Variants in FHIT observed in about 807,000 individuals in gnomAD.
The protein encoded by FHIT is fragile histidine triad diadenosine triphosphatase, also known as bis(5'-adenosyl)-triphosphatase.
A neutral mutation model predicts 17.9 loss-of-function variants in FHIT; 19 were observed. That is an observed-to-expected ratio of 1.06 (90% CI 0.74 to 1.56). The LOEUF is 1.56. Among genes scored for constraint, FHIT ranks in the 40% most tolerant of loss-of-function variants. FHIT has a pLI of 0.00. For missense variants in FHIT, 248 were observed against 189.2 expected, an observed-to-expected ratio of 1.31 and a Z score of -1.82; for synonymous variants, 81 against 69.7, an observed-to-expected ratio of 1.16 and a Z score of -0.81.
At chr3:59,900,506 G>C (rs1704277917) in intron 8 of FHIT, among the ~76,000 whole-genome samples, 1 of 152,100 alleles carries the variant, frequency 6.6e-6, no homozygotes, top group Non-Finnish European at 1.5e-5. Context: ...GCCATCCCTG[G>C]TGCCACTTCA....
At chr3:61,119,477 G>A (rs2036394273) in intron 2 of FHIT, among the ~76,000 whole-genome samples, 1 of 152,158 alleles carries the variant, frequency 6.6e-6, no homozygotes. Context: ...GTCTCCCAAA[G>A]TGCTGGGATT....
chr3:60,912,366 T>G (rs1251312122), intron 3 of FHIT, among the ~76,000 whole-genome samples: 2 of 152,124 alleles, frequency 1.3e-5, no homozygotes, highest in African/African-American at 2.4e-5. Flanking sequence ...ACCTGGTAAC[T>G]GAACCTCCCT....
In FHIT at chr3:60,838,316, C is replaced by CA. The variant is rs111410310; in HGVS notation, c.-110-16306dup. ...GGTGAAACCCGTCTCTACTAAAATA[C>CA]AAAAAATTAGCCGGGCGTGGTGGTG... On this transcript the variant is annotated intron_variant, in intron 3 of 9. Transcript: ENST00000492590. Among the ~76,000 whole-genome samples the CA allele has an allele frequency of 4.7e-4, 72 of 152,052 alleles. 1 individual carries two copies. Among genetic ancestry groups the CA allele is most frequent in the Middle Eastern group, 3.4e-3 (1 of 294 alleles).
intron 5 of FHIT, among the ~76,000 whole-genome samples, chr3:60,243,109 G>T (rs1705218825): frequency 6.6e-6 from 1 of 151,338 alleles, no homozygotes; most frequent in Admixed American, 6.6e-5. Flanking sequence ...ATTTAACACT[G>T]AATATGAAGC....
chr3:61,137,653 T>C (rs1033670969), intron 2 of FHIT, among the ~76,000 whole-genome samples: 12 of 152,224 alleles, frequency 7.9e-5, no homozygotes, highest in African/African-American at 2.9e-4. Flanking sequence ...CAAGACTCTT[T>C]TGGTTGCAAG....
In FHIT at chr3:60,760,691, A is replaced by G. The variant is rs148457471; in HGVS notation, c.-18+61228T>C. Among the ~76,000 whole-genome samples the G allele has an allele frequency of 3.9e-4, 60 of 152,360 alleles. No homozygotes were observed. In the South Asian group the frequency reaches 9.1e-3, roughly 23 times the overall value. ...CTTCCTAAGCTAGAAAGGAAAAAAT[A>G]AGATATTCATGTAAGGAAAATAAAG... On this transcript the variant is annotated intron_variant, in intron 4 of 9. Transcript: ENST00000492590.
At chr3:59,987,121 A>G (rs955690993) in intron 7 of FHIT, among the ~76,000 whole-genome samples, 6 of 143,576 alleles carry the variant, frequency 4.2e-5, no homozygotes, top group Non-Finnish European at 6.1e-5. Context: ...TATATTTTAT[A>G]TAGATATAAA....
intron 8 of FHIT, among the ~76,000 whole-genome samples, chr3:59,828,605 G>C (rs1375383173): frequency 3.9e-5 from 6 of 152,172 alleles, no homozygotes; most frequent in Non-Finnish European, 7.3e-5. Flanking sequence ...CACTTCACAA[G>C]GCACTTGCCT....
rs150155543 is a variant in FHIT, at chr3:60,545,698, G to C, written c.-17-8719C>G. ...TAACAGTGTCTGATTTTATAGCACT[G>C]TTGTTAAGAGAACCTCTAAGCTGTT... On this transcript the variant is annotated intron_variant, in intron 4 of 9. Coordinates refer to ENST00000492590, the MANE Select transcript of FHIT (RefSeq NM_002012.4). 1.1e-3 allele frequency among the ~76,000 whole-genome samples: 162 copies of C among 152,268 alleles called. 2 individuals carry two copies. Among genetic ancestry groups the C allele is most frequent in the African/African-American group, 3.4e-3 (143 of 41,544 alleles).
chr3:60,082,720 T>A (rs1703342048), intron 5 of FHIT, among the ~76,000 whole-genome samples: 1 of 152,154 alleles, frequency 6.6e-6, no homozygotes, highest in Non-Finnish European at 1.5e-5. Context: ...ATTTCTCTGA[T>A]GATTAGTGAG....
chr3:60,027,148 C>CACACACAAAA (rs1553654525), intron 5 of FHIT, among the ~76,000 whole-genome samples: 13 of 125,748 alleles, frequency 1.0e-4, no homozygotes, highest in African/African-American at 3.5e-4. Flanking sequence ...CACACACACA[C>CACACACAAAA]AAAATTAGTA....
At chr3:59,846,646 A>T (rs1382069877) in intron 8 of FHIT, among the ~76,000 whole-genome samples, 1 of 152,270 alleles carries the variant, frequency 6.6e-6, no homozygotes. Context: ...TTCTACTTAC[A>T]AATATATTTA....
chr3:60,457,243 A>G (rs1236424293), intron 5 of FHIT, among the ~76,000 whole-genome samples: 1 of 152,022 alleles, frequency 6.6e-6, no homozygotes, highest in Non-Finnish European at 1.5e-5. Flanking sequence ...ATATAGACCA[A>G]TGGAACAGAA....
chr3:61,229,926 T>G (rs2040057241), intron 1 of FHIT, among the ~76,000 whole-genome samples: 1 of 152,158 alleles, frequency 6.6e-6, no homozygotes, highest in Non-Finnish European at 1.5e-5. Flanking sequence ...GCCTTCCTTC[T>G]AGATCAACCC....
intron 4 of FHIT, among the ~76,000 whole-genome samples, chr3:60,681,473 C>T (rs1436689816): frequency 6.6e-6 from 1 of 152,172 alleles, no homozygotes; most frequent in Non-Finnish European, 1.5e-5. Context: ...GGAAGAGTCC[C>T]ATGTCTCTCC....
chr3:59,924,661 G>T (rs1705565178), intron 7 of FHIT, among the ~76,000 whole-genome samples: 1 of 152,080 alleles, frequency 6.6e-6, no homozygotes, highest in African/African-American at 2.4e-5. Flanking sequence ...TCACATTCAG[G>T]GATTGATTTC....
At chr3:60,171,806 A>G (rs1701425913) in intron 5 of FHIT, among the ~76,000 whole-genome samples, 1 of 152,116 alleles carries the variant, frequency 6.6e-6, no homozygotes, top group Admixed American at 6.5e-5. Context: ...TCTGGGCTCA[A>G]GCAATCCTCT....
intron 4 of FHIT, among the ~76,000 whole-genome samples, chr3:60,635,475 A>G (rs1203499800): frequency 6.6e-6 from 1 of 151,788 alleles, no homozygotes; most frequent in Non-Finnish European, 1.5e-5. Flanking sequence ...CCCCAACCAC[A>G]CTACCCTTTC....
chr3:61,146,879 C>T (rs770018076), intron 2 of FHIT, among the ~76,000 whole-genome samples: 2 of 152,172 alleles, frequency 1.3e-5, no homozygotes, highest in East Asian at 1.9e-4. Flanking sequence ...GTGGAATTTA[C>T]TTCATCCCCA....
Sources: gnomAD v4.1 joint callset for allele counts (sites outside exome capture counted in the v4.1 genomes callset) on GRCh38, gnomAD v4.1.1 for gene constraint, MANE v1.5 for transcripts, NCBI Gene and HGNC (gene_info 2026-07-23, HGNC 2026-07-21) for gene names.